SCAI: variants seen among roughly 807,000 people sequenced by gnomAD.
SCAI encodes protein SCAI.
In SCAI, 24 loss-of-function variants were observed where a neutral mutation model predicts 92.2. The observed-to-expected ratio is 0.26, with a 90% CI of 0.19 to 0.37. SCAI has a LOEUF of 0.37. Among genes scored for constraint, SCAI ranks in the 10% least tolerant of loss-of-function variants. The pLI, the probability that SCAI is intolerant of heterozygous loss-of-function variation, is 1.00. For synonymous variants in SCAI, 261 were observed against 258.6 expected, an observed-to-expected ratio of 1.01 and a Z score of -0.09; for missense variants, 450 against 736.2, an observed-to-expected ratio of 0.61 and a Z score of 4.50.
intron 2 of SCAI, among the ~76,000 whole-genome samples, chr9:125,100,513 C>T (rs1266098815): frequency 6.6e-6 from 1 of 152,214 alleles, no homozygotes; most frequent in Non-Finnish European, 1.5e-5. Flanking sequence ...GCTTTAATCA[C>T]TATTCATTCT....
chr9:124,987,496 A>T (rs971242945), intron 14 of SCAI, among the ~76,000 whole-genome samples: 3 of 152,196 alleles, frequency 2.0e-5, no homozygotes, highest in Non-Finnish European at 2.9e-5. Context: ...TATGAGGCTC[A>T]GACAAGCCTG....
At chr9:124,962,129 T>C (rs1324250561) in intron 17 of SCAI, among the ~76,000 whole-genome samples, 1 of 151,468 alleles carries the variant, frequency 6.6e-6, no homozygotes, top group African/African-American at 2.4e-5. Flanking sequence ...AGTTTGCTTT[T>C]TCTCAAATCA....
In SCAI at chr9:124,981,006, T is replaced by G. The variant is rs963366363; in HGVS notation, c.1327-4820A>C. Among the ~76,000 whole-genome samples, 4 of 152,198 alleles carry G rather than the reference T, an allele frequency of 2.6e-5. No individual in the cohort carries two copies. In the East Asian group the frequency reaches 5.8e-4, roughly 22 times the overall value. On this transcript the variant is annotated intron_variant, in intron 14 of 17. Coordinates refer to ENST00000336505, the MANE Select transcript of SCAI (RefSeq NM_001144877.3). Reference sequence around the variant, plus strand: ...GTTCTGATCTATTCATTAATTAATTTTATAGTTTAACTCCCATAGGATAAT... The same window carrying G: ...GTTCTGATCTATTCATTAATTAATTGTATAGTTTAACTCCCATAGGATAAT...
chr9:125,090,491 G>C (rs1275763061), intron 2 of SCAI, among the ~76,000 whole-genome samples: 1 of 151,808 alleles, frequency 6.6e-6, no homozygotes, highest in Non-Finnish European at 1.5e-5. Context: ...GAGAAGGAAG[G>C]GGCAGGGGAG....
Position 125,131,761 on chromosome 9 carries a change from G to A in SCAI, c.98+10872C>T, listed in dbSNP as rs140201686. Among the ~76,000 whole-genome samples, 727 of 152,288 alleles carry A rather than the reference G, an allele frequency of 4.8e-3. 4 individuals carry two copies. The highest frequency in any genetic ancestry group is 0.01 in the Middle Eastern group (3 of 294). On this transcript the variant is annotated intron_variant, in intron 2 of 17. Coordinates refer to ENST00000336505, the MANE Select transcript of SCAI (RefSeq NM_001144877.3). ...TGGCTTTACCAAAACCACTGCATTT[G>A]CTGTACGGATGTTGCTGAGGCAAAC... is the stretch of plus-strand genomic sequence containing the variant.
chr9:125,065,511 A>AGAC (rs1833854524), intron 2 of SCAI, among the ~76,000 whole-genome samples: 1 of 152,180 alleles, frequency 6.6e-6, no homozygotes, highest in South Asian at 2.1e-4. Flanking sequence ...CATCTAAAGA[A>AGAC]GACAAAAGAA....
At chr9:125,140,734 T>C (rs7042065) in intron 2 of SCAI, among the ~76,000 whole-genome samples, 65,257 of 148,066 alleles carry the variant, frequency 0.44, 14,801 homozygotes, top group East Asian at 0.53. Flanking sequence ...TGTCAGGCGC[T>C]TGTAGTCCCA....
chr9:125,005,091 G>A (rs1832476278), intron 9 of SCAI, among the ~76,000 whole-genome samples: 1 of 151,198 alleles, frequency 6.6e-6, no homozygotes, highest in East Asian at 2.0e-4. Flanking sequence ...CCCAGCCTAT[G>A]ATCCATATTT....
At chr9:124,964,007 C>A (rs929378842) in intron 17 of SCAI, among the ~76,000 whole-genome samples, 7 of 151,922 alleles carry the variant, frequency 4.6e-5, no homozygotes, top group African/African-American at 1.7e-4. Flanking sequence ...GCAAATATGT[C>A]ATAATTTGTG....
At chr9:125,139,025 G>C (rs777508016) in intron 2 of SCAI, among the ~76,000 whole-genome samples, 5 of 152,178 alleles carry the variant, frequency 3.3e-5, no homozygotes, top group South Asian at 2.1e-4. Context: ...GAGGGAGGGT[G>C]GGGGGAAGCC....
chr9:125,048,975 C>G (rs1833502264), intron 3 of SCAI, among the ~76,000 whole-genome samples: 2 of 152,046 alleles, frequency 1.3e-5, no homozygotes, highest in Admixed American at 6.6e-5. Context: ...AAACTCCTGA[C>G]CTCAGGTGAT....
chr9:125,020,702 T>C lies in SCAI; in HGVS notation c.580A>G (p.Lys194Glu). Reference sequence around the variant, plus strand: ...ACCAGATCCTTTACAACATCCATTTTGTTGAGAAGAAGACAAACTACTATA... The same window carrying C: ...ACCAGATCCTTTACAACATCCATTTCGTTGAGAAGAAGACAAACTACTATA... ...RFIVVCLLLN[K>E]MDVVKDLVKE... The change falls in exon 7 of 18, where the codon AAA (lysine) becomes GAA (glutamate). Residue 194 changes from lysine (K) to glutamate (E), a missense_variant. By Grantham distance (56) the Lys-to-Glu change is moderately conservative. Around this residue, in one of 3 missense-constraint regions of SCAI, gnomAD observed 360 missense variants for 601.8 expected, o/e 0.60. Coordinates refer to ENST00000336505, the MANE Select transcript of SCAI (RefSeq NM_001144877.3). 6.6e-6 allele frequency: 10 copies of C among 1,512,790 alleles called. No homozygotes were observed. The highest frequency in any genetic ancestry group is 9.1e-6 in the Non-Finnish European group (10 of 1,104,754). The allele number at this position is 1,512,790 out of a possible 1,614,324, so 93.7% of individuals were successfully genotyped here.
intron 2 of SCAI, among the ~76,000 whole-genome samples, chr9:125,078,167 A>C (rs1834134309): frequency 6.6e-6 from 1 of 152,010 alleles, no homozygotes; most frequent in Admixed American, 6.6e-5. Flanking sequence ...TGGATTGCTT[A>C]TATTTCTATT....
At position 125,014,278 on chromosome 9, in the gene SCAI, A is replaced by C. The variant is rs1588152437; in HGVS notation, c.861+4521T>G. 2.0e-5 allele frequency among the ~76,000 whole-genome samples: 3 copies of C among 152,228 alleles called. No individual in the cohort carries two copies. In the South Asian group the frequency reaches 6.2e-4, roughly 32 times the overall value. ...GACGACATGATTGTATATCTAGAAA[A>C]CCCCATTGTCTCAGCCCAAAATCTC... is the stretch of plus-strand genomic sequence containing the variant. On this transcript the variant is annotated intron_variant, in intron 9 of 17. Coordinates refer to ENST00000336505, the MANE Select transcript of SCAI (RefSeq NM_001144877.3).
At chr9:125,081,319 C>A (rs1442420554) in intron 2 of SCAI, among the ~76,000 whole-genome samples, 1 of 152,140 alleles carries the variant, frequency 6.6e-6, no homozygotes, top group Non-Finnish European at 1.5e-5. Context: ...TGGCTTTGCC[C>A]AAAATGCTGA....
At chr9:125,074,563 T>C (rs1834049619) in intron 2 of SCAI, among the ~76,000 whole-genome samples, 1 of 151,580 alleles carries the variant, frequency 6.6e-6, no homozygotes, top group African/African-American at 2.4e-5. Context: ...TTCTGCCTTA[T>C]TTTCAGAATA....
intron 14 of SCAI, among the ~76,000 whole-genome samples, chr9:124,987,745 T>C (rs190920398): frequency 7.2e-4 from 109 of 152,210 alleles, no homozygotes; most frequent in Non-Finnish European, 1.3e-3. Flanking sequence ...GTGGATCACT[T>C]GAGGTCGGGA....
chr9:125,122,588 CAAAAAAA>C (rs34757267), intron 2 of SCAI, among the ~76,000 whole-genome samples: 1 of 59,956 alleles, frequency 1.7e-5, no homozygotes, highest in South Asian at 6.7e-4. Context: ...GACTCCATCT[CAAAAAAA>C]AAAAAAAAAA....
At chr9:125,100,676 G>C (rs1002191743) in intron 2 of SCAI, among the ~76,000 whole-genome samples, 1 of 152,068 alleles carries the variant, frequency 6.6e-6, no homozygotes, top group Non-Finnish European at 1.5e-5. Context: ...AAATTACATA[G>C]TATATTAGAT....
Sources: allele counts gnomAD v4.1 joint callset (sites outside exome capture counted in the v4.1 genomes callset), GRCh38; gene constraint gnomAD v4.1.1; regional missense constraint gnomAD v4.1.1; transcripts MANE v1.5; gene names NCBI Gene and HGNC (gene_info 2026-07-23, HGNC 2026-07-21).